SIM2: variants seen among roughly 807,000 people sequenced by gnomAD.
SIM2 encodes the protein single-minded homolog 2.
A neutral mutation model predicts 64.8 loss-of-function variants in SIM2; 28 were observed. That is an observed-to-expected ratio of 0.43 (90% CI 0.32 to 0.59). The LOEUF (loss-of-function observed/expected upper bound fraction) is 0.59, where lower values mean the gene tolerates loss of function less well. Ranked by LOEUF, SIM2 falls within the 20% of genes least tolerant of loss-of-function variation. The pLI, the probability that SIM2 is intolerant of heterozygous loss-of-function variation, is 0.07. For synonymous variants in SIM2, 408 were observed against 391.1 expected (o/e 1.04, Z -0.51); for missense variants, 847 against 871.4 (o/e 0.97, Z 0.35).
At position 36,748,791 on chromosome 21, in the gene SIM2, T is replaced by A. The variant is rs1388348433; in HGVS notation, c.*699T>A. The A allele has an allele frequency of 1.0e-4, 16 of 152,628 alleles. No homozygotes were observed. The highest frequency in any genetic ancestry group is 1.0e-3 in the Admixed American group (16 of 15,282). 9.5% of individuals were successfully genotyped at this position (152,628 alleles called of 1,614,324 possible). Reference sequence around the variant, plus strand: ...CCCCCTAACCCCTATGAACTCTTGATAACACCAAGAGTAGCACCTTCAGAA... The same window carrying A: ...CCCCCTAACCCCTATGAACTCTTGAAAACACCAAGAGTAGCACCTTCAGAA... On this transcript the variant is annotated 3_prime_UTR_variant, in exon 11 of 11. Transcript: ENST00000290399.
rs1297723164 is a variant in SIM2, at chr21:36,748,161, A to G, written c.*69A>G. 6 of 709,682 alleles carry G rather than the reference A, an allele frequency of 8.5e-6. No homozygotes were observed. The highest frequency in any genetic ancestry group is 6.4e-5 in the South Asian group (1 of 15,682). The allele number at this position is 709,682 out of a possible 1,614,324, so 44.0% of individuals were successfully genotyped here. A position where few individuals can be genotyped will look rare whatever the true frequency, so the allele number is the denominator to read the frequency against. On this transcript the variant is annotated 3_prime_UTR_variant, in exon 11 of 11. Coordinates refer to ENST00000290399, the MANE Select transcript of SIM2 (RefSeq NM_005069.6). ...GGCTGCGGCGCCACCGAGCCCGGCA[A>G]ATGCGCACGACCTACATTAATTTAT...
intron 7 of SIM2, among the ~76,000 whole-genome samples, chr21:36,731,451 G>A (rs545756351): frequency 7.9e-5 from 12 of 152,314 alleles, no homozygotes; most frequent in African/African-American, 1.7e-4. Flanking sequence ...CACCATTTGC[G>A]AATAACAGCA....
Position 36,747,999 on chromosome 21 carries a change from G to A in SIM2, c.1911G>A (p.Arg637=). The part of the protein sequence containing the change: ...GGPEAATGAL[R]LRHPSPAATS... Reference sequence around the variant, plus strand: ...CCGAGGCGGCGACCGGCGCGCTGCGGCTCCGGCACCCGAGCCCCGCCGCCA... The same window carrying A: ...CCGAGGCGGCGACCGGCGCGCTGCGACTCCGGCACCCGAGCCCCGCCGCCA... The change falls in exon 11 of 11, where the codon CGG becomes CGA. Residue 637 remains arginine (R), a synonymous_variant. Coordinates refer to ENST00000290399, the MANE Select transcript of SIM2 (RefSeq NM_005069.6). This position sits in a 1 kb window ranked among gnomAD's most constrained non-coding sequence, Gnocchi z 4.5. 1.8e-6 allele frequency: 2 copies of A among 1,109,436 alleles called. No homozygotes were observed. Among genetic ancestry groups the A allele is most frequent in the Non-Finnish European group, 2.2e-6 (2 of 911,030 alleles). The allele number at this position is 1,109,436 out of a possible 1,614,324, so 68.7% of individuals were successfully genotyped here. A position where few individuals can be genotyped will look rare whatever the true frequency, so the allele number is the denominator to read the frequency against.
At chr21:36,704,133 T>C (rs2088545563) in intron 1 of SIM2, among the ~76,000 whole-genome samples, 1 of 152,242 alleles carries the variant, frequency 6.6e-6, no homozygotes, top group African/African-American at 2.4e-5. Flanking sequence ...GTCTGAACTC[T>C]TCCAGTGCCT....
intron 7 of SIM2, among the ~76,000 whole-genome samples, chr21:36,737,984 C>CA (rs71326699): frequency 0.35 from 31,427 of 89,702 alleles, 5,822 homozygotes; most frequent in Non-Finnish European, 0.47. Context: ...AAAAAAAAAG[C>CA]AAAAAAAAAG....
intron 6 of SIM2, among the ~76,000 whole-genome samples, chr21:36,727,453 A>G (rs944785761): frequency 1.3e-5 from 2 of 152,212 alleles, no homozygotes; most frequent in African/African-American, 4.8e-5. Context: ...GGAACCATCA[A>G]ACCCCTCCCA....
intron 7 of SIM2, among the ~76,000 whole-genome samples, chr21:36,739,243 T>C (rs1279765450): frequency 6.6e-6 from 1 of 152,186 alleles, no homozygotes; most frequent in Non-Finnish European, 1.5e-5. Context: ...TCAACAACCA[T>C]ATGAAGTAAG....
intron 7 of SIM2, among the ~76,000 whole-genome samples, chr21:36,735,587 G>A (rs1163516151): frequency 6.6e-6 from 1 of 152,256 alleles, no homozygotes; most frequent in African/African-American, 2.4e-5. Context: ...CTCCTCTTGG[G>A]GACATGTGCC....
In SIM2 at chr21:36,722,931, T is replaced by C. The variant is rs1024789267; in HGVS notation, c.458-114T>C. 4 of 805,744 alleles carry C rather than the reference T, an allele frequency of 5.0e-6. No individual in the cohort carries two copies. The African/African-American group carries it at 6.7e-5, about 13-fold the overall frequency. 49.9% of individuals were successfully genotyped at this position (805,744 alleles called of 1,614,324 possible). On this transcript the variant is annotated intron_variant, in intron 4 of 10. Transcript: ENST00000290399. ...ATCTCTGAGCAGGGTCTGGGCACACTGAGAAGGCCTCTGGGTGCTGCATCT... is the reference window on the plus strand; with the variant it reads ...ATCTCTGAGCAGGGTCTGGGCACACCGAGAAGGCCTCTGGGTGCTGCATCT...
chr21:36,700,051 G>A (rs931348107), intron 1 of SIM2, 130 bp downstream of exon 1: 24 of 966,844 alleles, frequency 2.5e-5, no homozygotes, highest in Middle Eastern at 3.3e-4. Flanking sequence ...TCTGAGGGAG[G>A]TTGCGTGAGG....
intron 7 of SIM2, among the ~76,000 whole-genome samples, chr21:36,731,911 C>G (rs1249381819): frequency 6.6e-6 from 1 of 152,106 alleles, no homozygotes; most frequent in Non-Finnish European, 1.5e-5. Flanking sequence ...GAGACAGAGT[C>G]TTGTTCTGTT....
chr21:36,713,279 A>G (rs1399110264), intron 3 of SIM2, among the ~76,000 whole-genome samples: 2 of 152,192 alleles, frequency 1.3e-5, no homozygotes, highest in Non-Finnish European at 2.9e-5. Flanking sequence ...TCTTCTTAAA[A>G]AAGTCCACCG....
intron 7 of SIM2, among the ~76,000 whole-genome samples, chr21:36,736,979 T>C (rs112972188): frequency 0.063 from 9,552 of 152,108 alleles, 376 homozygotes; most frequent in South Asian, 0.079. Context: ...CAGTCTGGAA[T>C]ACAGTAGCGT....
rs1023354909 is a variant in SIM2, at chr21:36,731,115, T to C, written c.814T>C (p.Cys272Arg). 6.2e-7 allele frequency: 1 copy of C among 1,613,892 alleles called. No homozygotes were observed. The highest frequency in any genetic ancestry group is 1.1e-5 in the South Asian group (1 of 91,080). The change falls in exon 7 of 11, where the codon TGC becomes CGC. Residue 272 changes from cysteine (C) to arginine (R), a missense_variant. Transcript: ENST00000290399. The part of the protein sequence containing the change: ...EKTLYHHVHG[C>R]DVFHLRYAHH... ...GACCCTATACCATCACGTGCACGGC[T>C]GCGACGTGTTCCACCTCCGCTACGC...
At chr21:36,719,611 T>C (rs953317308) in intron 3 of SIM2, among the ~76,000 whole-genome samples, 12 of 152,224 alleles carry the variant, frequency 7.9e-5, no homozygotes, top group African/African-American at 2.9e-4. Flanking sequence ...CTCAGTGCCA[T>C]GGCCTTTTTA....
chr21:36,708,901 G>T (rs980642958), intron 1 of SIM2, among the ~76,000 whole-genome samples: 2 of 152,242 alleles, frequency 1.3e-5, no homozygotes, highest in Non-Finnish European at 2.9e-5. Flanking sequence ...GGCGACCCGC[G>T]GGAGCTGTGG....
chr21:36,721,277 A>G (rs945722628), intron 4 of SIM2, among the ~76,000 whole-genome samples: 1 of 152,186 alleles, frequency 6.6e-6, no homozygotes, highest in Admixed American at 6.5e-5. Context: ...ATGGCTCTGA[A>G]GAGGTAATTT....
intron 3 of SIM2, among the ~76,000 whole-genome samples, chr21:36,718,986 C>T (rs1399170938): frequency 6.6e-6 from 1 of 152,216 alleles, no homozygotes; most frequent in East Asian, 1.9e-4. Context: ...TGGGTATTTT[C>T]CTGGGGCCAT....
chr21:36,699,930 T>G lies in SIM2; in HGVS notation c.175+9T>G. On this transcript the variant is annotated intron_variant, in intron 1 of 10. Transcript: ENST00000290399. This position sits in a 1 kb window ranked among gnomAD's most constrained non-coding sequence, Gnocchi z 5.6. ...CGCCGTCTTCCCCGAAGGTGAGGCCTCAGGTGGGCGGCCGGGGACGCTGGG... is the reference window on the plus strand; with the variant it reads ...CGCCGTCTTCCCCGAAGGTGAGGCCGCAGGTGGGCGGCCGGGGACGCTGGG... The G allele has an allele frequency of 6.3e-7, 1 of 1,590,504 alleles. No individual in the cohort carries two copies. Among genetic ancestry groups the G allele is most frequent in the Non-Finnish European group, 8.6e-7 (1 of 1,169,226 alleles).
Sources: gnomAD v4.1 joint callset for allele counts (sites outside exome capture counted in the v4.1 genomes callset) on GRCh38, gnomAD v4.1.1 for gene constraint, Gnocchi (gnomAD v3.1) non-coding constraint, MANE v1.5 for transcripts, NCBI Gene and HGNC (gene_info 2026-07-23, HGNC 2026-07-21) for gene names.